EEFSEC: variants seen among roughly 807,000 people sequenced by gnomAD.
EEFSEC encodes selenocysteine-specific elongation factor.
EEFSEC carries 43 observed loss-of-function variants against 42.1 expected under a neutral mutation model. That is an observed-to-expected ratio of 1.02 (90% CI 0.80 to 1.32). The LOEUF is 1.32. EEFSEC is among the 40% of genes most tolerant of loss of function. The pLI, the probability that EEFSEC is intolerant of heterozygous loss-of-function variation, is 0.00. For missense variants in EEFSEC, 745 were observed against 803.6 expected, an observed-to-expected ratio of 0.93 and a Z score of 0.88; for synonymous variants, 354 against 339.1, an observed-to-expected ratio of 1.04 and a Z score of -0.48.
At chr3:128,409,375 T>C (rs1398610385), downstream of EEFSEC, among the ~76,000 whole-genome samples, 1 of 152,042 alleles carries the variant, frequency 6.6e-6, no homozygotes, top group Non-Finnish European at 1.5e-5. Flanking sequence ...TGTGTGTGTG[T>C]GTGTGTGTGT....
chr3:128,287,705 G>T, intron 4 of EEFSEC, among the ~76,000 whole-genome samples: 1 of 152,112 alleles, frequency 6.6e-6, no homozygotes, highest in South Asian at 2.1e-4. Context: ...CATCAGTTGG[G>T]GATGCAATAA....
rs146782974 is a variant in EEFSEC at position 128,388,387 on chromosome 3, C to T, written c.1601-19682C>T. On this transcript the variant is annotated intron_variant, in intron 6 of 6. Transcript: ENST00000254730. ...TTTATCTACAGTCCATCTCTGCCTTCGAGCTCCTCCAGGGTGGGGAACAGG... is the reference window on the plus strand; with the variant it reads ...TTTATCTACAGTCCATCTCTGCCTTTGAGCTCCTCCAGGGTGGGGAACAGG... Among the ~76,000 whole-genome samples, 53 of 152,350 alleles carry T rather than the reference C, an allele frequency of 3.5e-4. No individual in the cohort carries two copies. The East Asian group carries it at 9.1e-3, about 26-fold the overall frequency.
At chr3:128,208,538 T>G (rs1486120905) in intron 1 of EEFSEC, among the ~76,000 whole-genome samples, 1 of 152,188 alleles carries the variant, frequency 6.6e-6, no homozygotes, top group Non-Finnish European at 1.5e-5. Flanking sequence ...CAAGGCAATC[T>G]GTTGCCAGAA....
At chr3:128,282,350 G>A (rs1158728680) in intron 4 of EEFSEC, among the ~76,000 whole-genome samples, 1 of 152,244 alleles carries the variant, frequency 6.6e-6, no homozygotes, top group Non-Finnish European at 1.5e-5. Flanking sequence ...GTGCACCATG[G>A]ATGTTTGGCT....
intron 2 of EEFSEC, among the ~76,000 whole-genome samples, chr3:128,252,469 C>T (rs796432099): frequency 4.6e-5 from 7 of 152,274 alleles, no homozygotes; most frequent in African/African-American, 1.7e-4. Context: ...ATAGCTGTAA[C>T]ATGTGGAGAA....
At chr3:128,382,172 C>T (rs748386569) in intron 6 of EEFSEC, among the ~76,000 whole-genome samples, 2 of 152,216 alleles carry the variant, frequency 1.3e-5, no homozygotes, top group Non-Finnish European at 2.9e-5. Context: ...TCTCTGTAAG[C>T]CCCTCTGGGC....
intron 4 of EEFSEC, among the ~76,000 whole-genome samples, chr3:128,310,469 A>G (rs2066877671): frequency 6.6e-6 from 1 of 152,298 alleles, no homozygotes; most frequent in African/African-American, 2.4e-5. Flanking sequence ...CCTCTTAGCA[A>G]CCTCGTGCCA....
chr3:128,189,033 T>TGG (rs201796954), intron 1 of EEFSEC, among the ~76,000 whole-genome samples: 1 of 151,764 alleles, frequency 6.6e-6, no homozygotes, highest in African/African-American at 2.4e-5. Context: ...TACCTTTACA[T>TGG]GGGGGGGGCT....
intron 6 of EEFSEC, among the ~76,000 whole-genome samples, chr3:128,404,536 T>C (rs1024167786): frequency 6.6e-6 from 1 of 152,100 alleles, no homozygotes; most frequent in Admixed American, 6.5e-5. Flanking sequence ...GGGCTGCCCA[T>C]GCCATTTGTC....
the EEFSEC span, among the ~76,000 whole-genome samples, chr3:128,424,626 C>T: frequency 1.3e-5 from 2 of 152,138 alleles, no homozygotes; most frequent in Non-Finnish European, 2.9e-5. Context: ...CTCAAGTGAT[C>T]TTCCTGCCTT....
At chr3:128,395,145 G>T (rs1047792782) in intron 6 of EEFSEC, among the ~76,000 whole-genome samples, 12 of 152,216 alleles carry the variant, frequency 7.9e-5, no homozygotes, top group African/African-American at 2.2e-4. Flanking sequence ...CACGTCCCCA[G>T]CATCCTCACA....
At chr3:128,214,589 G>A (rs1320684672) in intron 1 of EEFSEC, among the ~76,000 whole-genome samples, 1 of 152,162 alleles carries the variant, frequency 6.6e-6, no homozygotes, top group Non-Finnish European at 1.5e-5. Context: ...ATAAAATGAG[G>A]TGGCTAAATT....
intron 4 of EEFSEC, among the ~76,000 whole-genome samples, chr3:128,292,626 TG>T (rs1284524118): frequency 6.6e-6 from 1 of 151,936 alleles, no homozygotes; most frequent in African/African-American, 2.4e-5. Context: ...TATCTTTTAA[TG>T]TTTTTTGAAT....
intron 1 of EEFSEC, among the ~76,000 whole-genome samples, chr3:128,225,375 A>G (rs1277374872): frequency 1.3e-5 from 2 of 152,302 alleles, no homozygotes; most frequent in Middle Eastern, 3.4e-3. Flanking sequence ...GGCCCCCTAC[A>G]ATGAAGCTAC....
intron 1 of EEFSEC, among the ~76,000 whole-genome samples, chr3:128,189,585 G>A (rs1019766690): frequency 6.8e-6 from 1 of 147,850 alleles, no homozygotes; most frequent in African/African-American, 2.5e-5. Context: ...TCCGAGCCAG[G>A]GTCTGGCTGT....
chr3:128,288,389 A>G (rs774778093), intron 4 of EEFSEC, among the ~76,000 whole-genome samples: 7 of 152,168 alleles, frequency 4.6e-5, no homozygotes, highest in Non-Finnish European at 8.8e-5. Context: ...AAATCCACAT[A>G]TAAGTCGTAT....
chr3:128,196,391 A>G (rs1576536750), intron 1 of EEFSEC, among the ~76,000 whole-genome samples: 1 of 152,226 alleles, frequency 6.6e-6, no homozygotes, highest in Non-Finnish European at 1.5e-5. Flanking sequence ...GTGTGCTGTG[A>G]TACAAATACA....
At chr3:128,389,548 G>A (rs2067882917) in intron 6 of EEFSEC, among the ~76,000 whole-genome samples, 1 of 152,270 alleles carries the variant, frequency 6.6e-6, no homozygotes, top group Admixed American at 6.5e-5. Context: ...TTGGGCACTT[G>A]GGAACAACCC....
chr3:128,159,539 T>C (rs1262717714), intron 1 of EEFSEC, among the ~76,000 whole-genome samples: 6 of 152,226 alleles, frequency 3.9e-5, no homozygotes, highest in Non-Finnish European at 8.8e-5. Context: ...TCCAGTGAGT[T>C]CTCATTGTGC....
Sources: allele counts gnomAD v4.1 joint callset (sites outside exome capture counted in the v4.1 genomes callset), GRCh38; gene constraint gnomAD v4.1.1; transcripts MANE v1.5; gene names NCBI Gene and HGNC (gene_info 2026-07-23, HGNC 2026-07-21).